The following PLEKHA1 variants were observed in gnomAD, a reference collection of about 807,000 sequenced individuals.
PLEKHA1 encodes the protein pleckstrin homology domain-containing family A member 1.
PLEKHA1 carries 34 observed loss-of-function variants against 52.0 expected under a neutral mutation model. That is an observed-to-expected ratio of 0.65 (90% CI 0.50 to 0.87). The LOEUF (loss-of-function observed/expected upper bound fraction) is 0.87, where lower values mean the gene tolerates loss of function less well. Ranked by LOEUF, PLEKHA1 falls within the 40% of genes least tolerant of loss-of-function variation. The pLI is 0.00. For missense variants in PLEKHA1, 497 were observed against 504.2 expected (o/e 0.99, Z 0.14); for synonymous variants, 163 against 170.7 (o/e 0.95, Z 0.35).
At chr10:122,389,843 G>T (rs2096752120) in intron 1 of PLEKHA1, among the ~76,000 whole-genome samples, 2 of 152,070 alleles carry the variant, frequency 1.3e-5, no homozygotes, top group African/African-American at 4.8e-5. Context: ...TTTCGGAATG[G>T]TAAGTGAGCA....
chr10:122,437,374 G>A, the PLEKHA1 span: 2 of 152,300 alleles, frequency 1.3e-5, no homozygotes, highest in East Asian at 3.9e-4. Flanking sequence ...CATGATTGCA[G>A]TATTGGTTGC....
chr10:122,407,764 G>A (rs750044704), intron 5 of PLEKHA1, among the ~76,000 whole-genome samples: 2 of 151,630 alleles, frequency 1.3e-5, no homozygotes, highest in Non-Finnish European at 2.9e-5. Context: ...TTTTGTTTTT[G>A]TTTTTTTTAA....
At chr10:122,376,110 T>C (rs1185693364) in intron 1 of PLEKHA1, among the ~76,000 whole-genome samples, 1 of 152,202 alleles carries the variant, frequency 6.6e-6, no homozygotes, top group Non-Finnish European at 1.5e-5. Flanking sequence ...GGGTAAGAGT[T>C]ATGTGATTGT....
At chr10:122,395,038 A>G (rs541782534) in intron 2 of PLEKHA1, among the ~76,000 whole-genome samples, 147 of 152,374 alleles carry the variant, frequency 9.6e-4, no homozygotes, top group African/African-American at 3.5e-3. Context: ...GGAAGTGGTA[A>G]CATTTGAAAT....
intron 4 of PLEKHA1, among the ~76,000 whole-genome samples, chr10:122,403,420 A>C (rs2096958915): frequency 6.6e-6 from 1 of 152,136 alleles, no homozygotes; most frequent in South Asian, 2.1e-4. Flanking sequence ...TTTTGTTTGC[A>C]GTTAAGCTAA....
At chr10:122,380,594 G>A (rs1264293221) in intron 1 of PLEKHA1, among the ~76,000 whole-genome samples, 1 of 152,158 alleles carries the variant, frequency 6.6e-6, no homozygotes, top group African/African-American at 2.4e-5. Flanking sequence ...TTGGGATGGG[G>A]TAACAGGGCA....
chr10:122,376,941 T>G (rs1475890035), intron 1 of PLEKHA1, among the ~76,000 whole-genome samples: 1 of 152,218 alleles, frequency 6.6e-6, no homozygotes, highest in Non-Finnish European at 1.5e-5. Flanking sequence ...ATTTTACATT[T>G]TTATGGGGAC....
At position 122,427,178 on chromosome 10, in the gene PLEKHA1, G is replaced by T. The variant is rs1189016341; in HGVS notation, c.900+147G>T. 1.7e-5 allele frequency: 12 copies of T among 698,644 alleles called. No individual in the cohort carries two copies. In the Admixed American group the frequency reaches 3.7e-4, roughly 21 times the overall value. 43.3% of individuals were successfully genotyped at this position (698,644 alleles called of 1,614,324 possible). On this transcript the variant is annotated intron_variant, in intron 11 of 11. Transcript: ENST00000368990. Reference sequence around the variant, plus strand: ...ACCAATTGGACTTGCAAAAAATAATGCATTTCTAATTTAATGCTTCCTTGT... The same window carrying T: ...ACCAATTGGACTTGCAAAAAATAATTCATTTCTAATTTAATGCTTCCTTGT...
At chr10:122,377,693 C>A (rs1223324777) in intron 1 of PLEKHA1, among the ~76,000 whole-genome samples, 1 of 152,184 alleles carries the variant, frequency 6.6e-6, no homozygotes, top group Non-Finnish European at 1.5e-5. Flanking sequence ...CTTACACTTA[C>A]TGAGCAATAT....
chr10:122,425,102 T>C (rs964217954), intron 10 of PLEKHA1, 143 bp downstream of exon 10: 1 of 667,194 alleles, frequency 1.5e-6, no homozygotes, highest in South Asian at 2.3e-5. Flanking sequence ...AAAAGGGTAC[T>C]GTATATAGAG....
In PLEKHA1 at chr10:122,424,979, A is replaced by T. The variant is rs762464671; in HGVS notation, c.810+20A>T. ...GTGCAGGTAAGATGCTTATTTGGCA[A>T]TTAATAGATCCTCCTAAAAAGAAAT... On this transcript the variant is annotated intron_variant, in intron 10 of 11. Transcript: ENST00000368990. 3 of 1,581,844 alleles carry T rather than the reference A, an allele frequency of 1.9e-6. No individual in the cohort carries two copies. Among genetic ancestry groups the T allele is most frequent in the Non-Finnish European group, 2.6e-6 (3 of 1,159,158 alleles).
chr10:122,425,849 A>G (rs2097331417), intron 10 of PLEKHA1: 1 of 152,190 alleles, frequency 6.6e-6, no homozygotes, highest in African/African-American at 2.4e-5. Context: ...ATTCAGTCCC[A>G]CATTGAGGCA....
intron 11 of PLEKHA1, chr10:122,428,498 C>T: frequency 8.2e-7 from 1 of 1,212,644 alleles, no homozygotes; most frequent in African/African-American, 1.6e-5. Context: ...TCACTGTAGT[C>T]ATCAGGTTGG....
At chr10:122,388,129 A>T (rs888584277) in intron 1 of PLEKHA1, 1 of 152,180 alleles carries the variant, frequency 6.6e-6, no homozygotes, top group Non-Finnish European at 1.5e-5. Context: ...TACTGTCAAA[A>T]CATTTTCATC....
intron 11 of PLEKHA1, chr10:122,428,276 A>T: frequency 6.5e-7 from 1 of 1,540,416 alleles, no homozygotes; most frequent in Non-Finnish European, 8.8e-7. Flanking sequence ...TGTGTTCCAG[A>T]TGCGGCAGGC....
intron 1 of PLEKHA1, among the ~76,000 whole-genome samples, chr10:122,383,470 C>T (rs1398485675): frequency 6.9e-6 from 1 of 144,630 alleles, no homozygotes; most frequent in Admixed American, 7.2e-5. Context: ...CAGGCACACA[C>T]CACCATGCCT....
chr10:122,434,837 C>G (rs1314310788), downstream of PLEKHA1: 1 of 145,906 alleles, frequency 6.9e-6, no homozygotes, highest in Non-Finnish European at 1.5e-5. Flanking sequence ...TTTGTCCTTG[C>G]GATAGTTTAC....
At chr10:122,389,986 T>G (rs989131247) in intron 1 of PLEKHA1, among the ~76,000 whole-genome samples, 1 of 152,224 alleles carries the variant, frequency 6.6e-6, no homozygotes, top group Non-Finnish European at 1.5e-5. Flanking sequence ...TAGAAGACTT[T>G]CACATACATT....
chr10:122,428,575 A>G (rs976333287), intron 11 of PLEKHA1, among the ~76,000 whole-genome samples: 1 of 152,240 alleles, frequency 6.6e-6, no homozygotes, highest in Non-Finnish European at 1.5e-5. Flanking sequence ...ATTAACATAT[A>G]AAAATTAATA....
Sources: gnomAD v4.1 joint callset for allele counts (sites outside exome capture counted in the v4.1 genomes callset) on GRCh38, gnomAD v4.1.1 for gene constraint, MANE v1.5 for transcripts, NCBI Gene and HGNC (gene_info 2026-07-23, HGNC 2026-07-21) for gene names.